The following GALNT9 variants were observed in gnomAD, a reference collection of about 807,000 sequenced individuals.
GALNT9 encodes the protein polypeptide N-acetylgalactosaminyltransferase 9, also known as GalNAc transferase 9.
A neutral mutation model predicts 63.1 loss-of-function variants in GALNT9; 47 were observed. The ratio of observed to expected loss-of-function variants is 0.75; its 90% CI spans 0.59 to 0.95. The LOEUF (loss-of-function observed/expected upper bound fraction) is 0.95. Ranked by LOEUF, GALNT9 falls within the 40% of genes least tolerant of loss-of-function variation. GALNT9 has a pLI of 0.00. For synonymous variants in GALNT9, 396 were observed against 365.7 expected (o/e 1.08, Z -0.94); for missense variants, 829 against 874.8 (o/e 0.95, Z 0.66).
chr12:132,289,523 C>T (rs572353088), intron 1 of GALNT9, among the ~76,000 whole-genome samples: 15 of 152,330 alleles, frequency 9.8e-5, no homozygotes, highest in African/African-American at 2.9e-4. Context: ...ACTTGGCAGA[C>T]GCCCCCTGCT....
At chr12:132,205,959 G>C (rs974155586) in intron 6 of GALNT9, 1 of 152,324 alleles carries the variant, frequency 6.6e-6, no homozygotes, top group Non-Finnish European at 1.5e-5. Flanking sequence ...GGGCCGGAAC[G>C]AAGGAAGCTC....
chr12:132,198,328 G>A (rs1387530291), intron 9 of GALNT9, among the ~76,000 whole-genome samples: 1 of 152,202 alleles, frequency 6.6e-6, no homozygotes, highest in African/African-American at 2.4e-5. Flanking sequence ...AGCGGAACAC[G>A]CATTCCCGTG....
chr12:132,299,959 A>C (rs1881229944), intron 1 of GALNT9, among the ~76,000 whole-genome samples: 1 of 144,706 alleles, frequency 6.9e-6, no homozygotes, highest in Non-Finnish European at 1.5e-5. Context: ...CATGATAACT[A>C]ACCCACTCCC....
At chr12:132,306,568 C>T (rs1341446568) in intron 1 of GALNT9, among the ~76,000 whole-genome samples, 2 of 152,176 alleles carry the variant, frequency 1.3e-5, no homozygotes, top group African/African-American at 4.8e-5. Context: ...GGTGCGTCTC[C>T]AGGCCTTTCT....
Position 132,262,603 on chromosome 12 carries a change from G to A in GALNT9, c.442C>T (p.Gln148Ter). ...PRKCRQMSYAQDLPQVSVVFI... is the reference protein window; with the variant it reads ...PRKCRQMSYA ...ACCACGGAGACCTGGGGCAGGTCCT[G>A]GGCGTAGCTCATCTGTCTGCACCTG... Residue 148 changes from glutamine (Q) to a stop codon, truncating the protein, a stop_gained, in exon 3 of 11, where the codon CAG (glutamine) becomes TAG (stop). Transcript: ENST00000328957. LOFTEE classifies it high-confidence loss of function. 1.3e-6 allele frequency: 2 copies of A among 1,550,952 alleles called. No individual in the cohort carries two copies. The highest frequency in any genetic ancestry group is 2.4e-5 in the East Asian group (1 of 40,922).
Position 132,315,471 on chromosome 12 carries a change from C to T in GALNT9, c.238+13495G>A, listed in dbSNP as rs1249671880. Among the ~76,000 whole-genome samples the T allele has an allele frequency of 1.3e-5, 2 of 152,230 alleles. No individual in the cohort carries two copies. The highest frequency in any genetic ancestry group is 4.8e-5 in the African/African-American group (2 of 41,458). On this transcript the variant is annotated intron_variant, in intron 1 of 10. Transcript: ENST00000328957. The surrounding 1 kb of genome is among the most constrained non-coding windows in gnomAD (Gnocchi z 6.1). Reference sequence around the variant, plus strand: ...ATAGCCCCTTGCAGAATTCAGACCCCGTCTGTTCTTTTCTGACTTAGAAAT... The same window carrying T: ...ATAGCCCCTTGCAGAATTCAGACCCTGTCTGTTCTTTTCTGACTTAGAAAT...
intron 1 of GALNT9, among the ~76,000 whole-genome samples, chr12:132,299,697 G>A (rs375572271): frequency 6.1e-4 from 70 of 115,380 alleles, no homozygotes; most frequent in African/African-American, 7.3e-4. Context: ...TCCCTGAGAT[G>A]ACCAAGCCAC....
intron 2 of GALNT9, among the ~76,000 whole-genome samples, chr12:132,271,677 C>T (rs1424288056): frequency 4.6e-5 from 7 of 152,172 alleles, no homozygotes; most frequent in Non-Finnish European, 8.8e-5. Flanking sequence ...CGTGATGCTC[C>T]GGCATGGGGT....
chr12:132,316,701 G>A lies in GALNT9; in HGVS notation c.238+12265C>T, dbSNP rs1868526390. Among the ~76,000 whole-genome samples the A allele has an allele frequency of 6.6e-6, 1 of 152,026 alleles. No individual in the cohort carries two copies. The highest frequency in any genetic ancestry group is 2.4e-5 in the African/African-American group (1 of 41,358). Reference sequence around the variant, plus strand: ...CAGCCACCCTTTCAGATCCGACAGGGACGCCCACCCCAGCCCACTCCCTCT... The same window carrying A: ...CAGCCACCCTTTCAGATCCGACAGGAACGCCCACCCCAGCCCACTCCCTCT... On this transcript the variant is annotated intron_variant, in intron 1 of 10. Coordinates refer to ENST00000328957, the MANE Select transcript of GALNT9 (RefSeq NM_001122636.2). The surrounding 1 kb of genome is among the most constrained non-coding windows in gnomAD (Gnocchi z 4.3).
intron 1 of GALNT9, among the ~76,000 whole-genome samples, chr12:132,309,502 C>T (rs1002921509): frequency 3.9e-4 from 60 of 152,212 alleles, no homozygotes; most frequent in African/African-American, 1.4e-3. Flanking sequence ...TGAGGTCATC[C>T]TGGACTCGGG....
At position 132,252,725 on chromosome 12, in the gene GALNT9, C is replaced by CA. The variant is rs1163572971; in HGVS notation, c.960-4699dup. Among the ~76,000 whole-genome samples, 3 of 151,554 alleles carry CA rather than the reference C, an allele frequency of 2.0e-5. No individual in the cohort carries two copies. Among genetic ancestry groups the CA allele is most frequent in the Non-Finnish European group, 4.4e-5 (3 of 67,836 alleles). On this transcript the variant is annotated intron_variant, in intron 5 of 10. Coordinates refer to ENST00000328957, the MANE Select transcript of GALNT9 (RefSeq NM_001122636.2). The surrounding 1 kb of genome is among the most constrained non-coding windows in gnomAD (Gnocchi z 5.2). ...GAAACCCCGTCTCTACTAAAAATAC[C>CA]AAAAAAAATTAGCCAGGCGTGCTGG...
Position 132,329,265 on chromosome 12 carries a change from G to C in GALNT9, c.-62C>G. On this transcript the variant is annotated 5_prime_UTR_variant, in exon 1 of 11. Coordinates refer to ENST00000328957, the MANE Select transcript of GALNT9 (RefSeq NM_001122636.2). ...TCCCCAGCATCCCCGCCCGGGCCTG[G>C]GCTTCAGCTTCGGCTTCGGGGACCA... 5 of 1,505,376 alleles carry C rather than the reference G, an allele frequency of 3.3e-6. No homozygotes were observed. The highest frequency in any genetic ancestry group is 4.5e-6 in the Non-Finnish European group (5 of 1,122,310). The allele number at this position is 1,505,376 out of a possible 1,614,324, so 93.3% of individuals were successfully genotyped here.
Sources: allele counts gnomAD v4.1 joint callset (sites outside exome capture counted in the v4.1 genomes callset), GRCh38; gene constraint gnomAD v4.1.1; non-coding constraint Gnocchi (gnomAD v3.1); transcripts MANE v1.5; gene names NCBI Gene and HGNC (gene_info 2026-07-23, HGNC 2026-07-21).